Variants in TRAPPC10 observed in about 807,000 individuals in gnomAD.
TRAPPC10 encodes TRAPP 130 kDa subunit.
TRAPPC10 carries 23 observed loss-of-function variants against 125.5 expected under a neutral mutation model. That is an observed-to-expected ratio of 0.18 (90% CI 0.13 to 0.26). The LOEUF is 0.26. Ranked by LOEUF, TRAPPC10 falls within the 10% of genes least tolerant of loss-of-function variation. The pLI, the probability that TRAPPC10 is intolerant of heterozygous loss-of-function variation, is 1.00. For synonymous variants in TRAPPC10, 509 were observed against 518.0 expected (o/e 0.98, Z 0.24); for missense variants, 1,123 against 1,308.4 (o/e 0.86, Z 2.19).
intron 1 of TRAPPC10, 73 bp downstream of exon 1, chr21:44,012,633 C>T (rs1304739272): frequency 1.1e-5 from 15 of 1,352,348 alleles, no homozygotes; most frequent in African/African-American, 1.5e-5. Context: ...GCACCCGGCG[C>T]CCCCAGACCT....
chr21:44,076,950 G>T (rs1197276189), intron 10 of TRAPPC10, among the ~76,000 whole-genome samples: 1 of 152,206 alleles, frequency 6.6e-6, no homozygotes, highest in Non-Finnish European at 1.5e-5. Flanking sequence ...TTGGACTTGG[G>T]CAGAGCTATT....
intron 13 of TRAPPC10, among the ~76,000 whole-genome samples, chr21:44,080,390 T>A (rs941640940): frequency 1.3e-5 from 2 of 152,196 alleles, no homozygotes; most frequent in African/African-American, 4.8e-5. Context: ...ATCTGCTAAG[T>A]AGGCCATATT....
chr21:44,017,283 A>T (rs907543004), intron 1 of TRAPPC10, among the ~76,000 whole-genome samples: 4 of 152,204 alleles, frequency 2.6e-5, no homozygotes, highest in African/African-American at 9.6e-5. Flanking sequence ...AAACCATTCC[A>T]TCTTGTACGC....
At position 44,063,064 on chromosome 21, in the gene TRAPPC10, A is replaced by G. The variant is rs1341752075; in HGVS notation, c.791-474A>G. 13 of 1,304,258 alleles carry G rather than the reference A, an allele frequency of 1.0e-5. No individual in the cohort carries two copies. The Admixed American group carries it at 3.0e-4, about 30-fold the overall frequency. 80.8% of individuals were successfully genotyped at this position (1,304,258 alleles called of 1,614,324 possible). ...GTCCCTTCCTCCAGGAGCTTGACTC[A>G]GGGACGTGACGTGGTTGAGTTAGGG... On this transcript the variant is annotated intron_variant, in intron 6 of 22. Transcript: ENST00000291574. This position sits in a 1 kb window ranked among gnomAD's most constrained non-coding sequence, Gnocchi z 4.4.
At chr21:44,044,572 A>G (rs2034641837) in intron 3 of TRAPPC10, among the ~76,000 whole-genome samples, 1 of 149,948 alleles carries the variant, frequency 6.7e-6, no homozygotes, top group African/African-American at 2.5e-5. Context: ...CATTTTCTAT[A>G]CTTGTTAAAA....
At chr21:44,091,274 G>A (rs1569224361) in intron 18 of TRAPPC10, among the ~76,000 whole-genome samples, 1 of 152,164 alleles carries the variant, frequency 6.6e-6, no homozygotes, top group Non-Finnish European at 1.5e-5. Flanking sequence ...ATCTCTCAAT[G>A]GAGAGTCTTC....
chr21:44,018,514 C>A (rs1193536816), intron 1 of TRAPPC10, among the ~76,000 whole-genome samples: 1 of 152,100 alleles, frequency 6.6e-6, no homozygotes, highest in Non-Finnish European at 1.5e-5. Context: ...CCCTGGCCAA[C>A]ATGGTGAAAC....
At chr21:44,027,733 C>T (rs1048458020) in intron 1 of TRAPPC10, among the ~76,000 whole-genome samples, 1 of 152,162 alleles carries the variant, frequency 6.6e-6, no homozygotes, top group Non-Finnish European at 1.5e-5. Flanking sequence ...GACTGTGTTA[C>T]CTAGCAGCTG....
chr21:44,017,512 G>A (rs1398776717), intron 1 of TRAPPC10, among the ~76,000 whole-genome samples: 1 of 151,758 alleles, frequency 6.6e-6, no homozygotes, highest in Admixed American at 6.6e-5. Flanking sequence ...TAGGCTAAAA[G>A]GAATACTTAA....
At chr21:44,062,570 G>A (rs2036139867) in intron 6 of TRAPPC10, 1 of 985,102 alleles carries the variant, frequency 1.0e-6, no homozygotes. Flanking sequence ...GGGAACTGCT[G>A]GTACAGGGCT....
intron 18 of TRAPPC10, 160 bp from the exon 19 acceptor site, chr21:44,091,763 T>C: frequency 1.4e-6 from 1 of 696,732 alleles, no homozygotes; most frequent in South Asian, 2.0e-5. Context: ...CTGGCACTTT[T>C]CGGTGTGAAA....
chr21:44,025,821 G>GGTGTGTGTGTGTGT (rs59898602), intron 1 of TRAPPC10, among the ~76,000 whole-genome samples: 6 of 109,864 alleles, frequency 5.5e-5, no homozygotes, highest in African/African-American at 1.4e-4. Context: ...AGAGGGCAGG[G>GGTGTGTGTGTGTGT]GTGTGTGTGT....
In TRAPPC10 at chr21:44,038,086, C is replaced by T. The variant is rs117480728; in HGVS notation, c.285+159C>T. Among the ~76,000 whole-genome samples, 33 of 151,356 alleles carry T rather than the reference C, an allele frequency of 2.2e-4. No homozygotes were observed. The East Asian group carries it at 5.1e-3, about 23-fold the overall frequency. ...AGTACCAGTGGGGGAAGAGGACGCG[C>T]GGTGGGATGGGGTTGGAAAGGTGTG... On this transcript the variant is annotated intron_variant, in intron 3 of 22. Coordinates refer to ENST00000291574, the MANE Select transcript of TRAPPC10 (RefSeq NM_003274.5).
intron 18 of TRAPPC10, among the ~76,000 whole-genome samples, chr21:44,091,350 C>T (rs1224289882): frequency 6.6e-6 from 1 of 152,206 alleles, no homozygotes; most frequent in Non-Finnish European, 1.5e-5. Context: ...GGGTGACCAG[C>T]CATGATCACT....
rs536730788 is a variant in TRAPPC10 at position 44,045,557 on chromosome 21, CTTTT to C, written c.286-6720_286-6717del. Among the ~76,000 whole-genome samples, 9 of 150,400 alleles carry C rather than the reference CTTTT, an allele frequency of 6.0e-5. No homozygotes were observed. The East Asian group carries it at 1.6e-3, about 26-fold the overall frequency. On this transcript the variant is annotated intron_variant, in intron 3 of 22. Coordinates refer to ENST00000291574, the MANE Select transcript of TRAPPC10 (RefSeq NM_003274.5). ...CTTTGCATTTTAAGATTTTTTCTTT[CTTTT>C]TTCTTTTTTTGAGAGAGTCTCGCAC... is the stretch of plus-strand genomic sequence containing the variant.
Position 44,083,096 on chromosome 21 carries a change from G to A in TRAPPC10, c.2032G>A (p.Glu678Lys). 6.2e-7 allele frequency: 1 copy of A among 1,614,160 alleles called. No individual in the cohort carries two copies. Among genetic ancestry groups the A allele is most frequent in the Non-Finnish European group, 8.5e-7 (1 of 1,180,042 alleles). Reference sequence around the variant, plus strand: ...CAGTTTGCCCGCGCTGGAGTTGTATGAAATGTTTGAGAGAAGCCCATCTGA... The same window carrying A: ...CAGTTTGCCCGCGCTGGAGTTGTATAAAATGTTTGAGAGAAGCCCATCTGA... The part of the protein sequence containing the change: ...QNSLPALELY[E>K]MFERSPSDNS... The change falls in exon 14 of 23, where the codon GAA becomes AAA. Residue 678 changes from glutamate (E) to lysine (K), a missense_variant. Coordinates refer to ENST00000291574, the MANE Select transcript of TRAPPC10 (RefSeq NM_003274.5).
At chr21:44,031,454 G>A (rs888541817) in intron 1 of TRAPPC10, among the ~76,000 whole-genome samples, 1 of 152,200 alleles carries the variant, frequency 6.6e-6, no homozygotes. Flanking sequence ...AAAGTCGGCC[G>A]CAGCTGGATT....
Position 44,082,966 on chromosome 21 carries a change from G to T in TRAPPC10, c.1902G>T (p.Glu634Asp). 3 of 1,614,100 alleles carry T rather than the reference G, an allele frequency of 1.9e-6. No individual in the cohort carries two copies. The Middle Eastern group carries it at 4.9e-4, about 266-fold the overall frequency. The change falls in exon 14 of 23, where the codon GAG (glutamate) becomes GAT (aspartate). Residue 634 changes from glutamate (E) to aspartate (D), a missense_variant. Around this residue, in one of 4 missense-constraint regions of TRAPPC10, gnomAD observed 840 missense variants for 902.0 expected, o/e 0.93. Coordinates refer to ENST00000291574, the MANE Select transcript of TRAPPC10 (RefSeq NM_003274.5). The surrounding 1 kb of genome is among the most constrained non-coding windows in gnomAD (Gnocchi z 4.4). Reference protein sequence around the residue: ...QIVVNVHFSIEKNSYRKTAEW... With the variant: ...QIVVNVHFSIDKNSYRKTAEW... Reference sequence around the variant, plus strand: ...TGGTCAATGTCCACTTCAGCATTGAGAAAAACAGCTACCGGAAGACTGCGG... The same window carrying T: ...TGGTCAATGTCCACTTCAGCATTGATAAAAACAGCTACCGGAAGACTGCGG...
intron 3 of TRAPPC10, among the ~76,000 whole-genome samples, chr21:44,044,904 G>A (rs747506489): frequency 5.9e-5 from 9 of 152,010 alleles, no homozygotes; most frequent in Non-Finnish European, 1.3e-4. Context: ...GACCGCAGGT[G>A]ATCTGCCCAC....
Sources: allele counts gnomAD v4.1 joint callset (sites outside exome capture counted in the v4.1 genomes callset), GRCh38; gene constraint gnomAD v4.1.1; regional missense constraint gnomAD v4.1.1; non-coding constraint Gnocchi (gnomAD v3.1); transcripts MANE v1.5; gene names NCBI Gene and HGNC (gene_info 2026-07-23, HGNC 2026-07-21).